Variants in ATG10 observed in about 807,000 individuals in gnomAD.
ATG10 encodes the protein autophagy related 10, also known as ubiquitin-like-conjugating enzyme ATG10.
ATG10 carries 30 observed loss-of-function variants against 32.1 expected under a neutral mutation model. The ratio of observed to expected loss-of-function variants is 0.94; its 90% CI spans 0.70 to 1.27. The LOEUF (loss-of-function observed/expected upper bound fraction) is 1.27, where lower values mean the gene tolerates loss of function less well. Among genes scored for constraint, ATG10 ranks in the 50% most tolerant of loss-of-function variants. The pLI is 0.00. For missense variants in ATG10, 233 were observed against 262.3 expected (o/e 0.89, Z 0.77); for synonymous variants, 87 against 91.5 (o/e 0.95, Z 0.28).
Position 82,004,172 on chromosome 5 carries a change from T to G in ATG10, c.108+16494T>G, listed in dbSNP as rs1761927098. On this transcript the variant is annotated intron_variant, in intron 2 of 7. Coordinates refer to ENST00000282185, the MANE Select transcript of ATG10 (RefSeq NM_031482.5). ...AAAGTATGGTAAAATTAAAAAATTATCACTTTAAGCCCCTAATGAAATGAA... is the reference window on the plus strand; with the variant it reads ...AAAGTATGGTAAAATTAAAAAATTAGCACTTTAAGCCCCTAATGAAATGAA... Among the ~76,000 whole-genome samples the G allele has an allele frequency of 2.0e-5, 3 of 152,042 alleles. No homozygotes were observed. In the South Asian group the frequency reaches 6.2e-4, roughly 31 times the overall value.
At chr5:82,192,336 T>G (rs1744695118) in intron 5 of ATG10, among the ~76,000 whole-genome samples, 1 of 152,190 alleles carries the variant, frequency 6.6e-6, no homozygotes, top group African/African-American at 2.4e-5. Flanking sequence ...TAGAATTTGT[T>G]TATTCAGTCC....
At chr5:82,013,119 G>C (rs568213161) in intron 2 of ATG10, among the ~76,000 whole-genome samples, 1 of 151,950 alleles carries the variant, frequency 6.6e-6, no homozygotes, top group Non-Finnish European at 1.5e-5. Context: ...ACACCACCAC[G>C]CCCGGCCAAT....
At position 82,109,025 on chromosome 5, in the gene ATG10, G is replaced by A. The variant is rs988582294; in HGVS notation, c.216+50423G>A. On this transcript the variant is annotated intron_variant, in intron 3 of 7. Transcript: ENST00000282185. ...AAGTCAGAGCTACAACTTGAGAATC[G>A]ATGATATATTTCAGAGAAAGTGTAT... Among the ~76,000 whole-genome samples, 11 of 152,138 alleles carry A rather than the reference G, an allele frequency of 7.2e-5. No homozygotes were observed. In the South Asian group the frequency reaches 1.0e-3, roughly 14 times the overall value.
At chr5:82,161,642 T>C (rs1339134374) in intron 3 of ATG10, among the ~76,000 whole-genome samples, 2 of 148,742 alleles carry the variant, frequency 1.3e-5, no homozygotes, top group Non-Finnish European at 3.0e-5. Context: ...ACTTAAGAAT[T>C]GCACAGTGAT....
intron 4 of ATG10, among the ~76,000 whole-genome samples, chr5:82,169,597 AT>A (rs781412620): frequency 2.0e-5 from 3 of 152,140 alleles, no homozygotes; most frequent in Non-Finnish European, 2.9e-5. Context: ...TATTTGACAG[AT>A]AATTTAATTT....
intron 3 of ATG10, among the ~76,000 whole-genome samples, chr5:82,122,215 G>A (rs1018798028): frequency 6.6e-6 from 1 of 151,862 alleles, no homozygotes; most frequent in African/African-American, 2.4e-5. Context: ...CGTCAGTGTT[G>A]GGAGGGTATA....
chr5:82,201,302 A>G (rs903851141), intron 5 of ATG10, among the ~76,000 whole-genome samples: 1 of 152,118 alleles, frequency 6.6e-6, no homozygotes, highest in Non-Finnish European at 1.5e-5. Context: ...TTTTAAGCTT[A>G]TGTCTAGGAT....
chr5:82,136,454 GT>G (rs2149850115), intron 3 of ATG10, among the ~76,000 whole-genome samples: 1 of 152,264 alleles, frequency 6.6e-6, no homozygotes, highest in East Asian at 1.9e-4. Context: ...TTGCTTGTCT[GT>G]AAAGGATTTT....
intron 4 of ATG10, among the ~76,000 whole-genome samples, chr5:82,174,136 G>T (rs900667300): frequency 6.6e-6 from 1 of 152,150 alleles, no homozygotes; most frequent in Non-Finnish European, 1.5e-5. Flanking sequence ...AGATATTGCT[G>T]ATTAAGTTAG....
rs890811129 is a variant in ATG10 at position 82,082,715 on chromosome 5, A to G, written c.216+24113A>G. Among the ~76,000 whole-genome samples, 13 of 152,120 alleles carry G rather than the reference A, an allele frequency of 8.5e-5. No individual in the cohort carries two copies. The South Asian group carries it at 1.2e-3, about 15-fold the overall frequency. ...AATGGTTAGAAATTCATTCACTTTC[A>G]TGAAATAGAAACCATATCAGGAAAT... is the stretch of plus-strand genomic sequence containing the variant. On this transcript the variant is annotated intron_variant, in intron 3 of 7. Transcript: ENST00000282185.
chr5:82,084,896 A>T (rs1346290071), intron 3 of ATG10, among the ~76,000 whole-genome samples: 2 of 152,212 alleles, frequency 1.3e-5, no homozygotes, highest in Non-Finnish European at 2.9e-5. Flanking sequence ...TGTAAAGACC[A>T]TCAATGCTAG....
intron 5 of ATG10, among the ~76,000 whole-genome samples, chr5:82,199,113 A>G (rs890290074): frequency 6.6e-6 from 1 of 152,244 alleles, no homozygotes; most frequent in Non-Finnish European, 1.5e-5. Context: ...TTTTAGTAAG[A>G]GTAATGAAGG....
At position 82,004,093 on chromosome 5, in the gene ATG10, A is replaced by G. The variant is rs149429948; in HGVS notation, c.108+16415A>G. ...GGTTGCAGTGAGCCGAGATTGTGCT[A>G]CTGCATTCCAGCCTGCTCTGTCGCC... On this transcript the variant is annotated intron_variant, in intron 2 of 7. Coordinates refer to ENST00000282185, the MANE Select transcript of ATG10 (RefSeq NM_031482.5). Among the ~76,000 whole-genome samples, 1,102 of 149,952 alleles carry G rather than the reference A, an allele frequency of 7.3e-3. 8 individuals are homozygous for G. Among genetic ancestry groups the G allele is most frequent in the Middle Eastern group, 0.014 (4 of 294 alleles).
chr5:82,195,778 C>T (rs12653788), intron 5 of ATG10, among the ~76,000 whole-genome samples: 72,142 of 152,060 alleles, frequency 0.47, 19,517 homozygotes, highest in East Asian at 0.9. Context: ...TTTATCCATT[C>T]ATCAGTTGAT....
chr5:82,222,092 A>G (rs533496707), intron 5 of ATG10, among the ~76,000 whole-genome samples: 1 of 152,354 alleles, frequency 6.6e-6, no homozygotes, highest in African/African-American at 2.4e-5. Flanking sequence ...CTCTCTCCCC[A>G]GTGTTATAGA....
chr5:82,214,640 G>A (rs1301413587), intron 5 of ATG10, among the ~76,000 whole-genome samples: 1 of 152,194 alleles, frequency 6.6e-6, no homozygotes, highest in African/African-American at 2.4e-5. Context: ...TGTTGTGCCT[G>A]AGAAGAGGAC....
chr5:82,172,352 T>C (rs1039388087), intron 4 of ATG10, among the ~76,000 whole-genome samples: 1 of 152,192 alleles, frequency 6.6e-6, no homozygotes, highest in Non-Finnish European at 1.5e-5. Flanking sequence ...ACTAACCTTA[T>C]GACCTTGGGC....
intron 2 of ATG10, chr5:82,010,124 G>A (rs952750107): frequency 2.3e-5 from 36 of 1,532,374 alleles, no homozygotes; most frequent in African/African-American, 1.9e-4. Context: ...CCTCGGCGGC[G>A]TCATCTGCAA....
At chr5:82,051,169 A>C (rs1288726743) in intron 2 of ATG10, among the ~76,000 whole-genome samples, 2 of 152,158 alleles carry the variant, frequency 1.3e-5, no homozygotes, top group African/African-American at 4.8e-5. Flanking sequence ...AAATGTGTTC[A>C]GTAGGGATTC....
Sources: allele counts gnomAD v4.1 joint callset (sites outside exome capture counted in the v4.1 genomes callset), GRCh38; gene constraint gnomAD v4.1.1; transcripts MANE v1.5; gene names NCBI Gene and HGNC (gene_info 2026-07-23, HGNC 2026-07-21).